The following KIF26B variants were observed in gnomAD, a reference collection of about 807,000 sequenced individuals.
KIF26B encodes the protein kinesin family member 26B.
Under a neutral mutation model 151.2 loss-of-function variants are expected in KIF26B, and 63 were observed. The ratio of observed to expected loss-of-function variants is 0.42; its 90% confidence interval spans 0.34 to 0.51. The LOEUF is 0.51. Ranked by LOEUF, KIF26B falls within the 20% of genes least tolerant of loss-of-function variation. The pLI is 0.07. For missense variants in KIF26B, 2,813 were observed against 2,913.6 expected, an observed-to-expected ratio of 0.97 and a Z score of 0.79; for synonymous variants, 1,357 against 1,262.1, an observed-to-expected ratio of 1.08 and a Z score of -1.59.
intron 4 of KIF26B, among the ~76,000 whole-genome samples, chr1:245,483,285 T>C (rs540707704): frequency 1.6e-4 from 24 of 151,976 alleles, no homozygotes; most frequent in South Asian, 4.2e-4. Context: ...GGGTGCACCA[T>C]TTTCATCCTC....
chr1:245,469,619 A>T (rs1336106127), intron 4 of KIF26B, among the ~76,000 whole-genome samples: 1 of 152,242 alleles, frequency 6.6e-6, no homozygotes, highest in African/African-American at 2.4e-5. Context: ...AGGTGGGGCT[A>T]AGCACAGCTA....
At chr1:245,437,095 C>T (rs1232348187) in intron 4 of KIF26B, among the ~76,000 whole-genome samples, 1 of 152,142 alleles carries the variant, frequency 6.6e-6, no homozygotes, top group Non-Finnish European at 1.5e-5. Context: ...CCATGTTGCC[C>T]AGGCTGGTCT....
chr1:245,261,022 CCT>C (rs1015819486), intron 2 of KIF26B, among the ~76,000 whole-genome samples: 4 of 148,490 alleles, frequency 2.7e-5, no homozygotes, highest in African/African-American at 1.0e-4. Flanking sequence ...CTCCTTCCTT[CCT>C]CTCTGTCTTT....
chr1:245,412,752 G>T (rs1276119016), intron 3 of KIF26B, among the ~76,000 whole-genome samples: 1 of 152,172 alleles, frequency 6.6e-6, no homozygotes, highest in Non-Finnish European at 1.5e-5. Context: ...TTTAAATGTG[G>T]TTGAAAGACG....
At chr1:245,208,329 G>A (rs1353109060) in intron 2 of KIF26B, among the ~76,000 whole-genome samples, 2 of 152,212 alleles carry the variant, frequency 1.3e-5, no homozygotes, top group Non-Finnish European at 2.9e-5. Flanking sequence ...TCATTGTGCT[G>A]TAATTTACAT....
intron 2 of KIF26B, among the ~76,000 whole-genome samples, chr1:245,298,464 AAG>A (rs1235414082): frequency 2.6e-5 from 4 of 152,204 alleles, no homozygotes; most frequent in Non-Finnish European, 5.9e-5. Flanking sequence ...ATCATAGAGA[AAG>A]AAAGTAGAAT....
At chr1:245,593,921 A>C (rs1025334797) in intron 5 of KIF26B, among the ~76,000 whole-genome samples, 1 of 152,218 alleles carries the variant, frequency 6.6e-6, no homozygotes, top group Non-Finnish European at 1.5e-5. Context: ...CCTAATGACC[A>C]GTGATGATGA....
At chr1:245,342,497 T>C (rs35441440) in intron 2 of KIF26B, among the ~76,000 whole-genome samples, 8,902 of 152,312 alleles carry the variant, frequency 0.058, 523 homozygotes, top group Admixed American at 0.19. Context: ...GGCTCCTCCG[T>C]CTATGGCCTC....
intron 2 of KIF26B, among the ~76,000 whole-genome samples, chr1:245,323,156 A>G (rs1350352166): frequency 6.6e-6 from 1 of 152,240 alleles, no homozygotes; most frequent in Non-Finnish European, 1.5e-5. Context: ...CTATTATCTT[A>G]TTAATGTTCA....
intron 5 of KIF26B, among the ~76,000 whole-genome samples, chr1:245,577,576 G>A (rs1292343508): frequency 1.3e-5 from 2 of 151,026 alleles, no homozygotes; most frequent in Non-Finnish European, 1.5e-5. Context: ...AACTCCAGGC[G>A]ATGCTTCCCC....
At chr1:245,168,818 G>A (rs1472739302) in intron 2 of KIF26B, among the ~76,000 whole-genome samples, 1 of 152,168 alleles carries the variant, frequency 6.6e-6, no homozygotes, top group African/African-American at 2.4e-5. Flanking sequence ...TGATGCTGTG[G>A]TCTGGGAAAG....
rs1379336932 is a variant in KIF26B, at chr1:245,355,144, C to T, written c.466-11690C>T. On this transcript the variant is annotated intron_variant, in intron 2 of 14. Transcript: ENST00000407071. The stretch of plus-strand genomic sequence containing the variant: ...CTCACCATGTTGGCCAGGCTGGTCT[C>T]GAACTCCTGACCTCAGGTGGTCCGC... Among the ~76,000 whole-genome samples the T allele has an allele frequency of 3.9e-5, 6 of 152,054 alleles. No individual in the cohort carries two copies. In the East Asian group the frequency reaches 5.8e-4, roughly 15 times the overall value.
intron 2 of KIF26B, among the ~76,000 whole-genome samples, chr1:245,161,535 T>C (rs1668529464): frequency 6.6e-6 from 1 of 152,190 alleles, no homozygotes; most frequent in African/African-American, 2.4e-5. Flanking sequence ...TATCACAGAT[T>C]GTACCATGAG....
At chr1:245,404,475 G>T (rs1237943334) in intron 3 of KIF26B, among the ~76,000 whole-genome samples, 2 of 152,136 alleles carry the variant, frequency 1.3e-5, no homozygotes, top group East Asian at 3.9e-4. Context: ...TTAGCTCGGG[G>T]AATCTCGTTA....
chr1:245,355,191 C>T (rs972892741), intron 2 of KIF26B, among the ~76,000 whole-genome samples: 2 of 152,130 alleles, frequency 1.3e-5, no homozygotes, highest in African/African-American at 4.8e-5. Flanking sequence ...TCCCAAAGTG[C>T]TGGGATTACA....
intron 4 of KIF26B, among the ~76,000 whole-genome samples, chr1:245,529,704 A>T (rs1461816265): frequency 6.6e-6 from 1 of 152,218 alleles, no homozygotes; most frequent in African/African-American, 2.4e-5. Context: ...TTTATTTAAA[A>T]ATTGGTTTAT....
chr1:245,682,905 GCTCCTCCTC>G (rs35122706), intron 10 of KIF26B, among the ~76,000 whole-genome samples: 1 of 151,408 alleles, frequency 6.6e-6, no homozygotes, highest in Non-Finnish European at 1.5e-5. Context: ...AACTTTCACA[GCTCCTCCTC>G]CTCCTCCTCC....
rs193169689 is a variant in KIF26B at position 245,395,707 on chromosome 1, G to A, written c.1000-23872G>A. 3.5e-4 allele frequency among the ~76,000 whole-genome samples: 54 copies of A among 152,266 alleles called. 1 individual carries two copies. The East Asian group carries it at 9.3e-3, about 26-fold the overall frequency. The stretch of plus-strand genomic sequence containing the variant: ...TGTCTAGACCTGACTTTACTCTTGG[G>A]GCAATCTGATATACCCCCCAAAGTG... On this transcript the variant is annotated intron_variant, in intron 3 of 14. Transcript: ENST00000407071.
chr1:245,452,009 A>G (rs1435804412), intron 4 of KIF26B, among the ~76,000 whole-genome samples: 1 of 152,210 alleles, frequency 6.6e-6, no homozygotes, highest in Non-Finnish European at 1.5e-5. Context: ...AATTACATTC[A>G]CATTGTTGTA....
Sources: gnomAD v4.1 joint callset for allele counts (sites outside exome capture counted in the v4.1 genomes callset) on GRCh38, gnomAD v4.1.1 for gene constraint, MANE v1.5 for transcripts, NCBI Gene and HGNC (gene_info 2026-07-23, HGNC 2026-07-21) for gene names.